The following SGCG variants were observed in gnomAD, a reference collection of about 807,000 sequenced individuals.
The protein encoded by SGCG is sarcoglycan gamma.
SGCG carries 26 observed loss-of-function variants against 29.3 expected under a neutral mutation model. That is an observed-to-expected ratio of 0.89 (90% CI 0.65 to 1.23). SGCG has a LOEUF of 1.23. SGCG is among the 50% of genes most tolerant of loss of function. The pLI is 0.00. For synonymous variants in SGCG, 145 were observed against 129.7 expected, an observed-to-expected ratio of 1.12 and a Z score of -0.80; for missense variants, 353 against 356.0, an observed-to-expected ratio of 0.99 and a Z score of 0.07.
At chr13:23,282,366 A>C (rs1336912393) in intron 5 of SGCG, among the ~76,000 whole-genome samples, 1 of 152,152 alleles carries the variant, frequency 6.6e-6, no homozygotes, top group African/African-American at 2.4e-5. Context: ...CAGGGGTACA[A>C]GTGCAGGTTT....
At chr13:23,262,839 A>G (rs548287070) in intron 4 of SGCG, among the ~76,000 whole-genome samples, 1 of 152,160 alleles carries the variant, frequency 6.6e-6, no homozygotes, top group East Asian at 1.9e-4. Flanking sequence ...AACTGGAGAT[A>G]AATTCCAAAA....
intron 6 of SGCG, among the ~76,000 whole-genome samples, chr13:23,297,230 AT>A (rs376396258): frequency 5.6e-4 from 66 of 117,144 alleles, no homozygotes; most frequent in Middle Eastern, 4.7e-3. Context: ...ACAATCTTTT[AT>A]TTTTTTTTTT....
chr13:23,165,617 C>T, the SGCG span, among the ~76,000 whole-genome samples: 5 of 152,036 alleles, frequency 3.3e-5, no homozygotes, highest in East Asian at 1.9e-4. Context: ...CTCCACCTCC[C>T]GGGTTCAAGC....
intron 1 of SGCG, among the ~76,000 whole-genome samples, chr13:23,196,381 G>T (rs61223461): frequency 0.51 from 71,987 of 141,150 alleles, 17,115 homozygotes; most frequent in East Asian, 0.58. Context: ...TTTTGGGGGG[G>T]TTATTGTTAA....
intron 2 of SGCG, among the ~76,000 whole-genome samples, chr13:23,232,686 GCAGGAGAATGGTGTGAACC>G (rs1879156645): frequency 6.6e-6 from 1 of 152,112 alleles, no homozygotes. Flanking sequence ...GGAGGCTGAG[GCAGGAGAATGGTGTGAACC>G]CAGGAGGCGG....
intron 3 of SGCG, among the ~76,000 whole-genome samples, chr13:23,236,567 A>G (rs914454331): frequency 2.0e-5 from 3 of 152,142 alleles, no homozygotes; most frequent in Non-Finnish European, 2.9e-5. Context: ...AGTCCCAGCT[A>G]CTTGGGAGGC....
At chr13:23,298,529 T>C (rs1207228548) in intron 6 of SGCG, among the ~76,000 whole-genome samples, 1 of 152,154 alleles carries the variant, frequency 6.6e-6, no homozygotes, top group Non-Finnish European at 1.5e-5. Flanking sequence ...AACATAAAAA[T>C]AGATTGTGAC....
rs190406285 is a variant in SGCG at position 23,187,118 on chromosome 13, C to T, written c.-1+6043C>T. Among the ~76,000 whole-genome samples, 5 of 148,916 alleles carry T rather than the reference C, an allele frequency of 3.4e-5. No homozygotes were observed. In the East Asian group the frequency reaches 9.7e-4, roughly 29 times the overall value. On this transcript the variant is annotated intron_variant, in intron 1 of 7. Transcript: ENST00000218867. The stretch of plus-strand genomic sequence containing the variant: ...TAGCTACTGGGCCCATGCATGGCCT[C>T]CCTCCCTGCCACCATTCTGGGCTGC...
intron 5 of SGCG, among the ~76,000 whole-genome samples, chr13:23,280,700 A>G (rs61946707): frequency 0.2 from 29,984 of 152,156 alleles, 3,193 homozygotes; most frequent in Non-Finnish European, 0.24. Flanking sequence ...GTTAATTTTT[A>G]TTTTCTGTTT....
intron 2 of SGCG, among the ~76,000 whole-genome samples, chr13:23,223,976 A>G (rs1878791497): frequency 6.6e-6 from 1 of 151,468 alleles, no homozygotes; most frequent in Non-Finnish European, 1.5e-5. Context: ...AAAAAAAAAG[A>G]TAAGAGGGAG....
At chr13:23,224,069 G>A (rs949827110) in intron 2 of SGCG, among the ~76,000 whole-genome samples, 1 of 152,182 alleles carries the variant, frequency 6.6e-6, no homozygotes, top group African/African-American at 2.4e-5. Context: ...GGACATTTTA[G>A]TGGTTTCCAT....
chr13:23,308,575 T>A (rs1035775097), intron 6 of SGCG, among the ~76,000 whole-genome samples: 4 of 152,140 alleles, frequency 2.6e-5, no homozygotes, highest in African/African-American at 4.8e-5. Flanking sequence ...CATGTAATTT[T>A]TTTTTTTGAG....
intron 3 of SGCG, among the ~76,000 whole-genome samples, chr13:23,237,214 A>T (rs1879347920): frequency 6.6e-6 from 1 of 152,230 alleles, no homozygotes; most frequent in South Asian, 2.1e-4. Flanking sequence ...TCATACTTTG[A>T]ATTCATGGCT....
In SGCG at chr13:23,203,827, A is replaced by G. The variant is rs751808758; in HGVS notation, c.133A>G (p.Ile45Val). 1 of 1,614,086 alleles carries G rather than the reference A, an allele frequency of 6.2e-7. No individual in the cohort carries two copies. The highest frequency in any genetic ancestry group is 1.1e-5 in the South Asian group (1 of 91,082). The part of the protein sequence containing the change: ...CLYLFVLLLL[I>V]ILVVNLALTI... ...CTACTTGTTTGTTCTTCTTTTACTC[A>G]TCATCCTCGTTGTGAATTTAGCTCT... Residue 45 changes from isoleucine (I) to valine (V), a missense_variant, in exon 2 of 8, where the codon ATC becomes GTC. Physicochemically the swap from Ile to Val is conservative, Grantham distance 29. Transcript: ENST00000218867.
rs780747031 is a variant in SGCG at position 23,324,489 on chromosome 13, C to T, written c.824C>T (p.Ser275Phe). 47 of 1,613,522 alleles carry T rather than the reference C, an allele frequency of 2.9e-5. No homozygotes were observed. The highest frequency in any genetic ancestry group is 3.8e-5 in the Non-Finnish European group (45 of 1,180,028). The change falls in exon 8 of 8, where the codon TCT becomes TTT. Residue 275 changes from serine to phenylalanine, a missense_variant. Physicochemically the swap from Ser to Phe is radical, Grantham distance 155 (BLOSUM62 -2). Transcript: ENST00000218867. ...CVCPDGKLYLSVAGVSTTCQE... is the reference protein window; with the variant it reads ...CVCPDGKLYLFVAGVSTTCQE... The stretch of plus-strand genomic sequence containing the variant: ...TGTCCAGATGGGAAGCTGTACCTGT[C>T]TGTGGCCGGTGTGAGCACCACGTGC...
At chr13:23,183,535 G>T (rs1335009881) in intron 1 of SGCG, among the ~76,000 whole-genome samples, 2 of 152,166 alleles carry the variant, frequency 1.3e-5, no homozygotes, top group African/African-American at 4.8e-5. Flanking sequence ...ATTCCTGGTG[G>T]CTGCCTGCCT....
At chr13:23,237,605 C>CT (rs1468422390) in intron 3 of SGCG, among the ~76,000 whole-genome samples, 1 of 152,114 alleles carries the variant, frequency 6.6e-6, no homozygotes, top group African/African-American at 2.4e-5. Flanking sequence ...GGGGAGGAGG[C>CT]TACAAAGATG....
chr13:23,277,001 T>C (rs192943558), intron 4 of SGCG, among the ~76,000 whole-genome samples: 1 of 152,342 alleles, frequency 6.6e-6, no homozygotes, highest in East Asian at 1.9e-4. Flanking sequence ...TGCAATAGAT[T>C]TGTATTGAAT....
chr13:23,261,998 G>A (rs1880455951), intron 4 of SGCG, among the ~76,000 whole-genome samples: 1 of 151,968 alleles, frequency 6.6e-6, no homozygotes, highest in Non-Finnish European at 1.5e-5. Flanking sequence ...TAAAAGAAAT[G>A]CTGAAAGGAA....
Sources: allele counts gnomAD v4.1 joint callset (sites outside exome capture counted in the v4.1 genomes callset), GRCh38; gene constraint gnomAD v4.1.1; transcripts MANE v1.5; gene names NCBI Gene and HGNC (gene_info 2026-07-23, HGNC 2026-07-21).